Variants in SOX5 observed in about 807,000 individuals in gnomAD.
SOX5 encodes the protein transcription factor SOX-5.
A neutral mutation model predicts 92.0 loss-of-function variants in SOX5; 9 were observed. That is an observed-to-expected ratio of 0.10 (90% CI 0.06 to 0.17). The LOEUF (loss-of-function observed/expected upper bound fraction) is 0.17. Among genes scored for constraint, SOX5 ranks in the 10% least tolerant of loss-of-function variants. The probability of loss-of-function intolerance (pLI) is 1.00; values close to 1 mark genes in which losing one functional copy is unlikely to be tolerated. For synonymous variants in SOX5, 344 were observed against 336.3 expected (o/e 1.02, Z -0.25); for missense variants, 642 against 944.5 (o/e 0.68, Z 4.20).
chr12:24,371,997 AAAAG>A (rs1050379737), intron 1 of SOX5, among the ~76,000 whole-genome samples: 7 of 152,072 alleles, frequency 4.6e-5, no homozygotes, highest in Admixed American at 2.0e-4. Context: ...TTAAAAAAAA[AAAAG>A]AGAGAGAGAG....
chr12:23,678,160 A>C (rs1346921282), intron 6 of SOX5, among the ~76,000 whole-genome samples: 1 of 152,174 alleles, frequency 6.6e-6, no homozygotes, highest in Non-Finnish European at 1.5e-5. Context: ...GTAATTGGAC[A>C]ACCCATTGAA....
At chr12:23,608,024 C>A (rs2075458008) in intron 8 of SOX5, among the ~76,000 whole-genome samples, 1 of 141,688 alleles carries the variant, frequency 7.1e-6, no homozygotes, top group African/African-American at 2.6e-5. Context: ...AACCTCAGCA[C>A]TTTGGGAGGC....
chr12:24,021,554 C>T (rs1954296190), intron 4 of SOX5, among the ~76,000 whole-genome samples: 1 of 152,126 alleles, frequency 6.6e-6, no homozygotes. Flanking sequence ...ACCCAGTGTT[C>T]CTCAAATGAA....
At chr12:23,952,392 T>C (rs1945770743), upstream of SOX5, among the ~76,000 whole-genome samples, 1 of 152,206 alleles carries the variant, frequency 6.6e-6, no homozygotes, top group Admixed American at 6.5e-5. Context: ...CCAGAGCAGG[T>C]AAGAAAGAGT....
intron 3 of SOX5, among the ~76,000 whole-genome samples, chr12:24,259,686 T>A (rs1039911606): frequency 6.6e-6 from 1 of 152,340 alleles, no homozygotes; most frequent in African/African-American, 2.4e-5. Flanking sequence ...ATTATAGGTG[T>A]CCAACAATGC....
At chr12:23,687,394 ATAT>A (rs1413137064) in intron 6 of SOX5, among the ~76,000 whole-genome samples, 1 of 152,044 alleles carries the variant, frequency 6.6e-6, no homozygotes, top group Non-Finnish European at 1.5e-5. Context: ...CACACGCACG[ATAT>A]TATACTAAAT....
At chr12:23,676,067 C>T (rs1023209526) in intron 6 of SOX5, among the ~76,000 whole-genome samples, 2 of 151,966 alleles carry the variant, frequency 1.3e-5, no homozygotes, top group African/African-American at 4.8e-5. Context: ...GCCATTAATG[C>T]AGGGATGGTG....
chr12:23,799,663 G>C (rs2095626934), intron 3 of SOX5, among the ~76,000 whole-genome samples: 1 of 151,804 alleles, frequency 6.6e-6, no homozygotes. Context: ...CAATAAGTTT[G>C]GTCCTCCTCA....
At chr12:24,065,715 C>T (rs1224846292) in intron 4 of SOX5, among the ~76,000 whole-genome samples, 1 of 149,932 alleles carries the variant, frequency 6.7e-6, no homozygotes, top group African/African-American at 2.5e-5. Flanking sequence ...ATGAGTTCAA[C>T]GCTAAAGTCT....
At chr12:24,150,527 A>G (rs1482717456) in intron 4 of SOX5, among the ~76,000 whole-genome samples, 5 of 152,154 alleles carry the variant, frequency 3.3e-5, no homozygotes, top group African/African-American at 7.2e-5. Flanking sequence ...AAAGCCATTG[A>G]CCTGAATGAA....
At chr12:23,549,296 A>T (rs551798026) in intron 11 of SOX5, among the ~76,000 whole-genome samples, 1 of 152,030 alleles carries the variant, frequency 6.6e-6, no homozygotes, top group South Asian at 2.1e-4. Context: ...AAACAAATAA[A>T]TGTTGATGGG....
chr12:24,250,494 C>G (rs1939806321), intron 3 of SOX5, among the ~76,000 whole-genome samples: 2 of 152,266 alleles, frequency 1.3e-5, no homozygotes, highest in Middle Eastern at 6.8e-3. Flanking sequence ...CTGCAGTTGT[C>G]CTTGGAACAG....
rs995001723 is a variant in SOX5, at chr12:24,082,754, A to G, written c.-2+130589T>C. Among the ~76,000 whole-genome samples the G allele has an allele frequency of 2.0e-5, 3 of 151,516 alleles. No homozygotes were observed. In the South Asian group the frequency reaches 6.2e-4, roughly 32 times the overall value. On this transcript the variant is annotated intron_variant, in intron 4 of 4. Transcript: ENST00000446891. ...ATACTGTTTGATCTTTTTTTTTCTT[A>G]GTTTTTTCTTCTCTTTAATTCAGGT... is the stretch of plus-strand genomic sequence containing the variant.
chr12:24,218,206 C>T (rs927205472), intron 3 of SOX5, among the ~76,000 whole-genome samples: 1 of 152,012 alleles, frequency 6.6e-6, no homozygotes, highest in Non-Finnish European at 1.5e-5. Context: ...TTATAATGGT[C>T]AAAAGTTACC....
chr12:24,530,016 T>C (rs1951045559), intron 1 of SOX5, among the ~76,000 whole-genome samples: 1 of 80,658 alleles, frequency 1.2e-5, no homozygotes, highest in Non-Finnish European at 2.1e-5. Flanking sequence ...CGAGACTCCG[T>C]CTCAAAAAAA....
chr12:23,770,585 C>T (rs1010628131), intron 3 of SOX5, among the ~76,000 whole-genome samples: 1 of 151,762 alleles, frequency 6.6e-6, no homozygotes, highest in African/African-American at 2.4e-5. Context: ...TGTTATGGAA[C>T]TTATACACAT....
intron 4 of SOX5, among the ~76,000 whole-genome samples, chr12:24,051,214 A>T (rs149719068): frequency 6.6e-6 from 1 of 152,170 alleles, no homozygotes; most frequent in African/African-American, 2.4e-5. Context: ...AGGTAGTTTT[A>T]TATTAGGTAC....
intron 1 of SOX5, among the ~76,000 whole-genome samples, chr12:24,490,596 A>T (rs938982238): frequency 6.6e-6 from 1 of 152,154 alleles, no homozygotes; most frequent in African/African-American, 2.4e-5. Context: ...CAGGAAAAAA[A>T]AAATGGTTAC....
At chr12:24,441,513 T>C (rs1434962199) in intron 1 of SOX5, among the ~76,000 whole-genome samples, 1 of 152,216 alleles carries the variant, frequency 6.6e-6, no homozygotes. Context: ...TTATCGGAGC[T>C]TGCTTTTAGC....
Sources: allele counts gnomAD v4.1 joint callset (sites outside exome capture counted in the v4.1 genomes callset), GRCh38; gene constraint gnomAD v4.1.1; transcripts MANE v1.5; gene names NCBI Gene and HGNC (gene_info 2026-07-23, HGNC 2026-07-21).